BRI3BP: variants seen among roughly 807,000 people sequenced by gnomAD.
BRI3BP encodes BRI3-binding protein.
Under a neutral mutation model 15.8 loss-of-function variants are expected in BRI3BP, and 7 were observed. That is an observed-to-expected ratio of 0.44 (90% CI 0.25 to 0.83). BRI3BP has a LOEUF of 0.83. Ranked by LOEUF, BRI3BP falls within the 40% of genes least tolerant of loss-of-function variation. BRI3BP has a pLI of 0.20. For missense variants in BRI3BP, 320 were observed against 339.3 expected, an observed-to-expected ratio of 0.94 and a Z score of 0.45; for synonymous variants, 192 against 163.5, an observed-to-expected ratio of 1.17 and a Z score of -1.33.
chr12:125,009,434 C>T (rs1344013365), intron 1 of BRI3BP, among the ~76,000 whole-genome samples: 2 of 151,804 alleles, frequency 1.3e-5, no homozygotes, highest in Non-Finnish European at 2.9e-5. Flanking sequence ...GGATTACAGG[C>T]GTGCACCACC....
At chr12:125,017,943 A>C (rs1427483899) in intron 2 of BRI3BP, among the ~76,000 whole-genome samples, 5 of 152,144 alleles carry the variant, frequency 3.3e-5, no homozygotes, top group Non-Finnish European at 7.4e-5. Context: ...CCTTGTGTGG[A>C]AAATGCTGTT....
chr12:125,013,347 G>T (rs1190577514), intron 2 of BRI3BP, among the ~76,000 whole-genome samples: 6 of 152,200 alleles, frequency 3.9e-5, no homozygotes, highest in Non-Finnish European at 7.3e-5. Context: ...TGCCGAACTG[G>T]CTGTCCAGGG....
intron 1 of BRI3BP, among the ~76,000 whole-genome samples, chr12:125,011,794 C>T (rs148312570): frequency 6.6e-6 from 1 of 152,192 alleles, no homozygotes; most frequent in Non-Finnish European, 1.5e-5. Context: ...ACCTGGAGGG[C>T]AAATAAAGAC....
intron 1 of BRI3BP, among the ~76,000 whole-genome samples, chr12:125,003,488 G>C (rs1464096706): frequency 6.6e-6 from 1 of 152,120 alleles, no homozygotes; most frequent in Non-Finnish European, 1.5e-5. Context: ...GTGAACCCTT[G>C]TTCACCCAGG....
chr12:125,012,539 G>C lies in BRI3BP; in HGVS notation c.219G>C (p.Leu73Phe), dbSNP rs752588871. The C allele has an allele frequency of 3.7e-6, 6 of 1,607,234 alleles. No individual in the cohort carries two copies. The highest frequency in any genetic ancestry group is 3.4e-6 in the Non-Finnish European group (4 of 1,173,788). ...CCGTTTTCTTGTTTCTGCAGTTCTTGGCCAGGCTGACTGAGAGATTTGTGC... is the reference window on the plus strand; with the variant it reads ...CCGTTTTCTTGTTTCTGCAGTTCTTCGCCAGGCTGACTGAGAGATTTGTGC... ...EDNVRAAQKFLARLTERFVLG... is the reference protein window; with the variant it reads ...EDNVRAAQKFFARLTERFVLG... Residue 73 changes from leucine to phenylalanine, a missense_variant, in exon 2 of 3, where the codon TTG becomes TTC. Transcript: ENST00000341446.
Position 125,024,975 on chromosome 12 carries a change from C to CT in BRI3BP, c.317-12dup, listed in dbSNP as rs748989405. 2.1e-5 allele frequency: 34 copies of CT among 1,601,022 alleles called. No individual in the cohort carries two copies. Among genetic ancestry groups the CT allele is most frequent in the Non-Finnish European group, 2.8e-5 (33 of 1,171,438 alleles). ...CCCCTGCGTAACGAGCCCTGTTCCT[C>CT]TTTTCTGTCCCGCAGTCTCCAACCT... On this transcript the variant is annotated splice_polypyrimidine_tract_variant and intron_variant, in intron 2 of 2. Coordinates refer to ENST00000341446, the MANE Select transcript of BRI3BP (RefSeq NM_080626.6).
Position 125,024,015 on chromosome 12 carries a change from G to A in BRI3BP, c.317-976G>A, listed in dbSNP as rs1955323691. Among the ~76,000 whole-genome samples the A allele has an allele frequency of 7.2e-5, 11 of 152,260 alleles. No homozygotes were observed. In the South Asian group the frequency reaches 2.1e-3, roughly 29 times the overall value. On this transcript the variant is annotated intron_variant, in intron 2 of 2. Coordinates refer to ENST00000341446, the MANE Select transcript of BRI3BP (RefSeq NM_080626.6). ...GAACCTGGGATGCAGAGGTTGCAAC[G>A]AGCCAAGATTGTGCCACTGCACTCC...
chr12:125,011,166 GC>G (rs1414179316), intron 1 of BRI3BP, among the ~76,000 whole-genome samples: 1 of 151,716 alleles, frequency 6.6e-6, no homozygotes, highest in Non-Finnish European at 1.5e-5. Flanking sequence ...GAGCCGAGTG[GC>G]CCATGTAGGT....
Position 125,012,563 on chromosome 12 carries a change from G to T in BRI3BP, c.243G>T (p.Val81=). ...TGGCCAGGCTGACTGAGAGATTTGT[G>T]CTGGGAGTGGATATGTTCGTGGAGA... ...KFLARLTERF[V]LGVDMFVETL... Residue 81 remains valine (V), a synonymous_variant, in exon 2 of 3, where the codon GTG becomes GTT. Transcript: ENST00000341446. 6.2e-7 allele frequency: 1 copy of T among 1,612,902 alleles called. No homozygotes were observed. Among genetic ancestry groups the T allele is most frequent in the Non-Finnish European group, 8.5e-7 (1 of 1,178,922 alleles).
chr12:125,016,014 C>T (rs1200380475), intron 2 of BRI3BP, among the ~76,000 whole-genome samples: 4 of 152,106 alleles, frequency 2.6e-5, no homozygotes, highest in Admixed American at 6.5e-5. Flanking sequence ...GAAAATCGCA[C>T]GCAGCTTGGA....
chr12:125,002,473 T>G (rs1445245987), intron 1 of BRI3BP, among the ~76,000 whole-genome samples: 4 of 151,458 alleles, frequency 2.6e-5, no homozygotes, highest in Non-Finnish European at 5.9e-5. Flanking sequence ...TTTTTTTTTT[T>G]TTGAGACAGA....
intron 2 of BRI3BP, among the ~76,000 whole-genome samples, chr12:125,022,671 T>A (rs1955311097): frequency 6.6e-6 from 1 of 151,900 alleles, no homozygotes. Context: ...GGATTACAGG[T>A]GTGCGCCACC....
intron 2 of BRI3BP, among the ~76,000 whole-genome samples, chr12:125,016,247 G>C (rs1398591745): frequency 6.6e-6 from 1 of 152,096 alleles, no homozygotes; most frequent in East Asian, 1.9e-4. Flanking sequence ...CGTGTCTTAT[G>C]CGTAGAAGTT....
the BRI3BP span, among the ~76,000 whole-genome samples, chr12:125,047,813 CA>C: frequency 2.6e-5 from 4 of 152,214 alleles, no homozygotes; most frequent in South Asian, 8.3e-4. Flanking sequence ...TCTCCTGCCT[CA>C]GCCTCCCGAG....
At chr12:125,046,025 C>T in the BRI3BP span, among the ~76,000 whole-genome samples, 2 of 151,636 alleles carry the variant, frequency 1.3e-5, no homozygotes, top group Non-Finnish European at 2.9e-5. Flanking sequence ...ATTAGCCAGG[C>T]GTGGTGGCAG....
intron 2 of BRI3BP, among the ~76,000 whole-genome samples, chr12:125,019,925 A>G (rs1038065624): frequency 6.8e-6 from 1 of 147,712 alleles, no homozygotes; most frequent in African/African-American, 2.5e-5. Context: ...ACAAAATTCC[A>G]TAGACTGTGT....
At chr12:125,002,901 G>C (rs958093604) in intron 1 of BRI3BP, among the ~76,000 whole-genome samples, 1 of 152,196 alleles carries the variant, frequency 6.6e-6, no homozygotes, top group Non-Finnish European at 1.5e-5. Flanking sequence ...ATCGGGGCTC[G>C]TGGTGTCTGT....
At chr12:125,018,459 G>T (rs545244393) in intron 2 of BRI3BP, among the ~76,000 whole-genome samples, 1 of 152,164 alleles carries the variant, frequency 6.6e-6, no homozygotes, top group African/African-American at 2.4e-5. Context: ...GGGAAATTTA[G>T]ACACAGACAC....
chr12:125,022,541 A>ATTTATTTTTTTT lies in BRI3BP; in HGVS notation c.317-2447_317-2446insATTTTTTTTTTT. Among the ~76,000 whole-genome samples, 66 of 139,426 alleles carry ATTTATTTTTTTT rather than the reference A, an allele frequency of 4.7e-4. 2 individuals are homozygous for ATTTATTTTTTTT. The highest frequency in any genetic ancestry group is 1.3e-3 in the African/African-American group (46 of 34,526). The allele number at this position is 139,426 out of a possible 152,430, so 91.5% of individuals were successfully genotyped here. A position where few individuals can be genotyped will look rare whatever the true frequency, so the allele number is the denominator to read the frequency against. ...TTATTATTTATTTATTTATTTATTT[A>ATTTATTTTTTTT]TTTTTTGAGACAGAGCCTCACTGTG... On this transcript the variant is annotated intron_variant, in intron 2 of 2. Coordinates refer to ENST00000341446, the MANE Select transcript of BRI3BP (RefSeq NM_080626.6).
Sources: allele counts gnomAD v4.1 joint callset (sites outside exome capture counted in the v4.1 genomes callset), GRCh38; gene constraint gnomAD v4.1.1; transcripts MANE v1.5; gene names NCBI Gene and HGNC (gene_info 2026-07-23, HGNC 2026-07-21).